Variants in SCAMP1 observed in about 807,000 individuals in gnomAD.
SCAMP1 encodes the protein secretory carrier-associated membrane protein 1.
Under a neutral mutation model 41.8 loss-of-function variants are expected in SCAMP1, and 15 were observed. The observed-to-expected ratio is 0.36, with a 90% CI of 0.24 to 0.55. The LOEUF (loss-of-function observed/expected upper bound fraction) is 0.55. Among genes scored for constraint, SCAMP1 ranks in the 20% least tolerant of loss-of-function variants. The pLI is 0.86. For missense variants in SCAMP1, 341 were observed against 412.6 expected, an observed-to-expected ratio of 0.83 and a Z score of 1.50; for synonymous variants, 135 against 136.8, an observed-to-expected ratio of 0.99 and a Z score of 0.09.
In SCAMP1 at chr5:78,384,496, A is replaced by G. The variant is rs1192128186; in HGVS notation, c.58-4341A>G. On this transcript the variant is annotated intron_variant, in intron 1 of 8. Coordinates refer to ENST00000621999, the MANE Select transcript of SCAMP1 (RefSeq NM_004866.6). ...GCTAGGACTTCCAGTACGGTGTAGA[A>G]TAGAAGTGGTGAAAGTGGGCATCCT... Among the ~76,000 whole-genome samples the G allele has an allele frequency of 2.6e-5, 4 of 152,012 alleles. 1 individual carries two copies. In the East Asian group the frequency reaches 7.8e-4, roughly 29 times the overall value.
Position 78,455,395 on chromosome 5 carries a change from A to C in SCAMP1, c.735-3850A>C, listed in dbSNP as rs1476198271. Among the ~76,000 whole-genome samples the C allele has an allele frequency of 3.2e-5, 4 of 126,526 alleles. 1 individual carries two copies. Among genetic ancestry groups the C allele is most frequent in the Non-Finnish European group, 6.5e-5 (4 of 61,162 alleles). 83.0% of individuals were successfully genotyped at this position (126,526 alleles called of 152,430 possible). A position where few individuals can be genotyped will look rare whatever the true frequency, so the allele number is the denominator to read the frequency against. ...TCTGGTATGCTGTGTCTTTGTTCTC[A>C]TTGGTTTCAAAGAACATCTTTATTT... On this transcript the variant is annotated intron_variant, in intron 7 of 8. Transcript: ENST00000621999.
In SCAMP1 at chr5:78,430,273, A is replaced by C. The variant is rs905175713; in HGVS notation, c.632+8313A>C. Among the ~76,000 whole-genome samples, 20 of 144,818 alleles carry C rather than the reference A, an allele frequency of 1.4e-4. 1 individual carries two copies. In the East Asian group the frequency reaches 3.2e-3, roughly 23 times the overall value. ...TAAATACAGTATTTATTTATAAATA[A>C]ATAGTATTTATTACTATGTAAATAG... On this transcript the variant is annotated intron_variant, in intron 6 of 8. Transcript: ENST00000621999.
At chr5:78,386,219 C>G (rs1198490313) in intron 1 of SCAMP1, among the ~76,000 whole-genome samples, 1 of 152,032 alleles carries the variant, frequency 6.6e-6, no homozygotes, top group East Asian at 1.9e-4. Flanking sequence ...CCCTCTTTGT[C>G]TTTTTTAAGT....
chr5:78,415,444 T>G, intron 2 of SCAMP1, 76 bp from the exon 3 acceptor site: 1 of 829,826 alleles, frequency 1.2e-6, no homozygotes, highest in Non-Finnish European at 1.9e-6. Context: ...TTTCATTTTA[T>G]TGGTGTTATA....
rs184853531 is a variant in SCAMP1, at chr5:78,383,629, C to A, written c.58-5208C>A. Among the ~76,000 whole-genome samples the A allele has an allele frequency of 2.0e-5, 3 of 152,086 alleles. No homozygotes were observed. In the East Asian group the frequency reaches 5.8e-4, roughly 29 times the overall value. ...TTGTATAAGGTGAGAGATGAGGATC[C>A]GGTTTCATTCTTCTACATGTGGCTT... is the stretch of plus-strand genomic sequence containing the variant. On this transcript the variant is annotated intron_variant, in intron 1 of 8. Coordinates refer to ENST00000621999, the MANE Select transcript of SCAMP1 (RefSeq NM_004866.6).
chr5:78,373,449 C>T (rs1378171331), intron 1 of SCAMP1, among the ~76,000 whole-genome samples: 1 of 151,964 alleles, frequency 6.6e-6, no homozygotes, highest in African/African-American at 2.4e-5. Flanking sequence ...GCATCCCTAG[C>T]TGTAGGAAAG....
chr5:78,470,743 C>G (rs1753867076), intron 8 of SCAMP1, among the ~76,000 whole-genome samples: 1 of 152,164 alleles, frequency 6.6e-6, no homozygotes, highest in East Asian at 1.9e-4. Context: ...CCTCCAAACT[C>G]TTTTCTGGAA....
intron 1 of SCAMP1, among the ~76,000 whole-genome samples, chr5:78,365,566 C>G (rs1750775007): frequency 6.8e-6 from 1 of 147,894 alleles, no homozygotes; most frequent in Admixed American, 6.7e-5. Flanking sequence ...TTTGGATCTT[C>G]TGGAGTGCTG....
chr5:78,447,869 T>C (rs1176246436), intron 6 of SCAMP1, among the ~76,000 whole-genome samples: 1 of 21,820 alleles, frequency 4.6e-5, no homozygotes, highest in Non-Finnish European at 8.7e-5. Flanking sequence ...CTGCCCCCCT[T>C]CCCCTACCCC....
At chr5:78,387,461 A>G (rs552527532) in intron 1 of SCAMP1, among the ~76,000 whole-genome samples, 3 of 149,920 alleles carry the variant, frequency 2.0e-5, no homozygotes, top group Non-Finnish European at 4.4e-5. Context: ...TTTTTCTGGA[A>G]GTTTAGAGGT....
chr5:78,379,149 A>G (rs1751137559), intron 1 of SCAMP1, among the ~76,000 whole-genome samples: 2 of 152,232 alleles, frequency 1.3e-5, no homozygotes, highest in Admixed American at 1.3e-4. Context: ...TCAGACATGC[A>G]CTAATTGATC....
intron 8 of SCAMP1, among the ~76,000 whole-genome samples, chr5:78,461,309 G>A (rs1253446191): frequency 1.3e-5 from 2 of 152,156 alleles, no homozygotes; most frequent in Admixed American, 6.5e-5. Flanking sequence ...GTAGTTTGAG[G>A]TTTTACATTT....
chr5:78,460,744 CCT>C (rs1753566802), intron 8 of SCAMP1, among the ~76,000 whole-genome samples: 1 of 3,208 alleles, frequency 3.1e-4, no homozygotes. Flanking sequence ...TTTCTTTTCT[CCT>C]TCCTTCCTTC....
intron 2 of SCAMP1, among the ~76,000 whole-genome samples, chr5:78,409,394 T>G (rs1461223513): frequency 1.4e-5 from 2 of 147,034 alleles, no homozygotes; most frequent in Non-Finnish European, 3.0e-5. Context: ...TTTATATATA[T>G]ATAGATAGAG....
chr5:78,462,379 G>A (rs184104986), intron 8 of SCAMP1, among the ~76,000 whole-genome samples: 24 of 152,282 alleles, frequency 1.6e-4, no homozygotes, highest in Admixed American at 1.3e-3. Context: ...GCCCAGGCTG[G>A]AGTGCAGTGG....
intron 4 of SCAMP1, among the ~76,000 whole-genome samples, chr5:78,417,231 C>T (rs1187746145): frequency 7.2e-5 from 11 of 152,132 alleles, no homozygotes; most frequent in Admixed American, 2.0e-4. Flanking sequence ...GATAAAAGAG[C>T]TAGATAAGTC....
chr5:78,411,500 T>C (rs929729237), intron 2 of SCAMP1, among the ~76,000 whole-genome samples: 1 of 152,224 alleles, frequency 6.6e-6, no homozygotes, highest in Non-Finnish European at 1.5e-5. Context: ...TGATATATTT[T>C]CATCTTATTT....
At chr5:78,456,693 G>T (rs1213710049) in intron 7 of SCAMP1, among the ~76,000 whole-genome samples, 1 of 151,070 alleles carries the variant, frequency 6.6e-6, no homozygotes, top group Non-Finnish European at 1.5e-5. Flanking sequence ...GAGTATCTTT[G>T]TGGTGGTCTC....
At position 78,421,852 on chromosome 5, in the gene SCAMP1, G is replaced by C; in HGVS notation, c.524G>C (p.Cys175Ser). The C allele has an allele frequency of 6.2e-7, 1 of 1,613,826 alleles. No individual in the cohort carries two copies. Among genetic ancestry groups the C allele is most frequent in the Non-Finnish European group, 8.5e-7 (1 of 1,179,814 alleles). ...ATCTTCGGATGCTTGGCTTGGTTTTGTGTTGATTCTGCAAGAGCGGTTGAT... is the reference window on the plus strand; with the variant it reads ...ATCTTCGGATGCTTGGCTTGGTTTTCTGTTGATTCTGCAAGAGCGGTTGAT... ...LNIFGCLAWF[C>S]VDSARAVDFG... Residue 175 changes from cysteine to serine, a missense_variant, in exon 6 of 9, where the codon TGT becomes TCT. Transcript: ENST00000621999.
Sources: gnomAD v4.1 joint callset for allele counts (sites outside exome capture counted in the v4.1 genomes callset) on GRCh38, gnomAD v4.1.1 for gene constraint, MANE v1.5 for transcripts, NCBI Gene and HGNC (gene_info 2026-07-23, HGNC 2026-07-21) for gene names.